The following RABGEF1 variants were observed in gnomAD, a reference collection of about 807,000 sequenced individuals.
The protein encoded by RABGEF1 is rab5 GDP/GTP exchange factor.
In RABGEF1, 26 loss-of-function variants were observed where a neutral mutation model predicts 57.3. The observed-to-expected ratio is 0.45, with a 90% CI of 0.33 to 0.63. The LOEUF (loss-of-function observed/expected upper bound fraction) is 0.63, where lower values mean the gene tolerates loss of function less well. Among genes scored for constraint, RABGEF1 ranks in the 20% least tolerant of loss-of-function variants. The pLI, the probability that RABGEF1 is intolerant of heterozygous loss-of-function variation, is 0.02. For synonymous variants in RABGEF1, 185 were observed against 210.7 expected (o/e 0.88, Z 1.06); for missense variants, 464 against 607.6 (o/e 0.76, Z 2.48).
intron 3 of RABGEF1, among the ~76,000 whole-genome samples, chr7:66,776,300 G>A (rs1183196420): frequency 1.3e-5 from 2 of 152,206 alleles, no homozygotes; most frequent in Non-Finnish European, 2.9e-5. Flanking sequence ...TACTTCTTAA[G>A]ATACTTGCTG....
chr7:66,706,778 GTTT>G (rs199965735), intron 1 of RABGEF1, among the ~76,000 whole-genome samples: 2 of 120,696 alleles, frequency 1.7e-5, no homozygotes, highest in African/African-American at 3.1e-5. Context: ...TGACATACTG[GTTT>G]TTTTTTTTTT....
chr7:66,707,028 A>C (rs184901586), intron 1 of RABGEF1, among the ~76,000 whole-genome samples: 161 of 139,998 alleles, frequency 1.2e-3, no homozygotes, highest in African/African-American at 3.9e-3. Flanking sequence ...CTCGTGATCC[A>C]CCCGCCTCGG....
Position 66,762,656 on chromosome 7 carries a change from T to C in RABGEF1, c.-17-9227T>C, listed in dbSNP as rs1412953812. 5.9e-5 allele frequency among the ~76,000 whole-genome samples: 9 copies of C among 152,218 alleles called. No homozygotes were observed. The East Asian group carries it at 1.4e-3, about 23-fold the overall frequency. On this transcript the variant is annotated intron_variant, in intron 1 of 8. Coordinates refer to ENST00000284957, the MANE Select transcript of RABGEF1 (RefSeq NM_014504.3). ...AAGGCTGGGCATGGTGGCTCACATC[T>C]GTAAGAAGTTCAAGGCCAGCCTGGG... is the stretch of plus-strand genomic sequence containing the variant.
chr7:66,753,103 C>G (rs1387091385), intron 1 of RABGEF1, among the ~76,000 whole-genome samples: 1 of 152,090 alleles, frequency 6.6e-6, no homozygotes, highest in East Asian at 1.9e-4. Context: ...AGAGAATTAC[C>G]CTGTCAGTGG....
chr7:66,730,063 CAG>C (rs1273276901), intron 2 of RABGEF1, among the ~76,000 whole-genome samples: 1 of 152,250 alleles, frequency 6.6e-6, no homozygotes, highest in East Asian at 1.9e-4. Flanking sequence ...GCCATAGACT[CAG>C]GGTGGCCTCC....
upstream of RABGEF1, among the ~76,000 whole-genome samples, chr7:66,739,444 C>G (rs1378430111): frequency 1.3e-5 from 2 of 150,450 alleles, no homozygotes; most frequent in Admixed American, 6.6e-5. Context: ...CACTTGAGGT[C>G]AGGATTCAAA....
chr7:66,693,066 T>G (rs545302895), intron 1 of RABGEF1, among the ~76,000 whole-genome samples: 2 of 152,244 alleles, frequency 1.3e-5, no homozygotes, highest in Middle Eastern at 3.4e-3. Context: ...TCCCGTGGCC[T>G]TCACTCAGCT....
chr7:66,804,541 C>G (rs1787995937), intron 7 of RABGEF1, among the ~76,000 whole-genome samples: 1 of 152,066 alleles, frequency 6.6e-6, no homozygotes, highest in Non-Finnish European at 1.5e-5. Flanking sequence ...TCGAGACCAG[C>G]CTGGCCAACA....
intron 1 of RABGEF1, among the ~76,000 whole-genome samples, chr7:66,746,207 T>A (rs540506208): frequency 6.6e-6 from 1 of 152,354 alleles, no homozygotes; most frequent in African/African-American, 2.4e-5. Context: ...AGGAAAACAT[T>A]ATACTTTTAT....
At position 66,745,741 on chromosome 7, in the gene RABGEF1, C is replaced by T. The variant is rs1365429863; in HGVS notation, c.-18+4949C>T. ...CCGAGATTGTGCCACTGCACTCCAG[C>T]TTGGGCAACAGAGTGAGACTCTATC... On this transcript the variant is annotated intron_variant, in intron 1 of 8. Coordinates refer to ENST00000284957, the MANE Select transcript of RABGEF1 (RefSeq NM_014504.3). Among the ~76,000 whole-genome samples, 9 of 147,654 alleles carry T rather than the reference C, an allele frequency of 6.1e-5. No homozygotes were observed. The East Asian group carries it at 1.6e-3, about 26-fold the overall frequency.
At chr7:66,754,898 G>C (rs1802337933) in intron 1 of RABGEF1, among the ~76,000 whole-genome samples, 1 of 152,144 alleles carries the variant, frequency 6.6e-6, no homozygotes. Flanking sequence ...TCTGAGCTGA[G>C]TGCATTGTCT....
At chr7:66,677,631 G>A (rs1293924153), upstream of RABGEF1, among the ~76,000 whole-genome samples, 3 of 151,732 alleles carry the variant, frequency 2.0e-5, no homozygotes, top group Admixed American at 6.6e-5. Context: ...GCTTGGTGGC[G>A]GGTGCCTGTA....
At chr7:66,729,587 C>T (rs183122257) in intron 2 of RABGEF1, among the ~76,000 whole-genome samples, 226 of 152,208 alleles carry the variant, frequency 1.5e-3, no homozygotes, top group African/African-American at 5.1e-3. Context: ...TCCATCCTTA[C>T]TTCCACCTTT....
intron 2 of RABGEF1, chr7:66,773,739 T>C (rs1030891806): frequency 1.1e-5 from 5 of 453,666 alleles, no homozygotes; most frequent in Admixed American, 2.4e-5. Flanking sequence ...AATTTCAACT[T>C]ACTGCAACCT....
At chr7:66,664,598 T>C in the RABGEF1 span, among the ~76,000 whole-genome samples, 1 of 152,044 alleles carries the variant, frequency 6.6e-6, no homozygotes, top group Non-Finnish European at 1.5e-5. Flanking sequence ...AACGAGACCG[T>C]GTCTCTTAAA....
At chr7:66,728,146 T>C (rs60019603) in intron 2 of RABGEF1, among the ~76,000 whole-genome samples, 10,838 of 152,280 alleles carry the variant, frequency 0.071, 1,256 homozygotes, top group African/African-American at 0.24. Context: ...CAATCCTTCC[T>C]GGCTGTGGCC....
chr7:66,758,106 C>T (rs1803242236), intron 1 of RABGEF1, among the ~76,000 whole-genome samples: 2 of 152,070 alleles, frequency 1.3e-5, no homozygotes, highest in Non-Finnish European at 2.9e-5. Flanking sequence ...AGATGAGTTG[C>T]CTGGAGAGAG....
chr7:66,745,283 GAC>G (rs1799943548), intron 1 of RABGEF1, among the ~76,000 whole-genome samples: 2 of 152,298 alleles, frequency 1.3e-5, no homozygotes, highest in Admixed American at 6.5e-5. Flanking sequence ...TTTGGCTAGA[GAC>G]ATAGAATTTC....
Position 66,732,770 on chromosome 7 carries a change from T to A in RABGEF1, c.-814-7226T>A, listed in dbSNP as rs1018093337. 1.2e-4 allele frequency among the ~76,000 whole-genome samples: 19 copies of A among 152,060 alleles called. No individual in the cohort carries two copies. The South Asian group carries it at 2.3e-3, about 18-fold the overall frequency. On this transcript the variant is annotated intron_variant and NMD_transcript_variant, in intron 2 of 9. Coordinates refer to the RABGEF1 transcript ENST00000607882. Reference sequence around the variant, plus strand: ...CTCTCGCTCTCTTGCTGTCTCTCTTTCTCACTCGCTCTCTCTTGCTGTCTC... The same window carrying A: ...CTCTCGCTCTCTTGCTGTCTCTCTTACTCACTCGCTCTCTCTTGCTGTCTC...
Sources: allele counts gnomAD v4.1 joint callset (sites outside exome capture counted in the v4.1 genomes callset), GRCh38; gene constraint gnomAD v4.1.1; transcripts MANE v1.5; gene names NCBI Gene and HGNC (gene_info 2026-07-23, HGNC 2026-07-21).